FRMPD4: variants seen among roughly 807,000 people sequenced by gnomAD.
FRMPD4 encodes the protein FERM and PDZ domain-containing protein 4.
FRMPD4 carries 22 observed loss-of-function variants against 94.1 expected under a neutral mutation model. The observed-to-expected ratio is 0.23, with a 90% CI of 0.17 to 0.33. The LOEUF (loss-of-function observed/expected upper bound fraction) is 0.33. FRMPD4 is among the 10% of genes least tolerant of loss of function. The pLI is 1.00. For missense variants in FRMPD4, 1,111 were observed against 1,339.9 expected, an observed-to-expected ratio of 0.83 and a Z score of 2.67; for synonymous variants, 631 against 548.6, an observed-to-expected ratio of 1.15 and a Z score of -2.10.
intron 1 of FRMPD4, among the ~76,000 whole-genome samples, chrX:12,392,207 A>G (rs2056485482): frequency 9.4e-6 from 1 of 106,769 alleles, no homozygotes; most frequent in African/African-American, 3.4e-5. Context: ...TGCCTGGCTA[A>G]TTTTTGTATT....
intron 3 of FRMPD4, among the ~76,000 whole-genome samples, chrX:11,902,149 T>C (rs1447536644): frequency 2.7e-5 from 3 of 113,006 alleles, no homozygotes; most frequent in African/African-American, 6.4e-5. Flanking sequence ...CTGACTTTAA[T>C]GCTTCTTTTT....
intron 1 of FRMPD4, among the ~76,000 whole-genome samples, chrX:12,304,471 A>G (rs1183351203): frequency 2.7e-5 from 3 of 111,351 alleles, no homozygotes; most frequent in Non-Finnish European, 3.8e-5. Context: ...GTCTACAGAC[A>G]TTGCCTAATG....
chrX:12,326,860 G>T (rs1200461598), intron 1 of FRMPD4, among the ~76,000 whole-genome samples: 1 of 110,665 alleles, frequency 9.0e-6, no homozygotes, highest in African/African-American at 3.3e-5. Context: ...TACTCAGGAG[G>T]CTGAGGCAGG....
At chrX:12,259,219 G>C (rs893208935) in intron 1 of FRMPD4, among the ~76,000 whole-genome samples, 8 of 111,602 alleles carry the variant, frequency 7.2e-5, no homozygotes, top group African/African-American at 2.6e-4. Flanking sequence ...CCCAAGCGGG[G>C]GGTGCGTCCA....
At chrX:12,665,888 A>G (rs778037991) in intron 4 of FRMPD4, among the ~76,000 whole-genome samples, 1 of 112,033 alleles carries the variant, frequency 8.9e-6, no homozygotes, top group African/African-American at 3.2e-5. Context: ...ATAACCAGCT[A>G]GCATCATAAT....
At chrX:12,690,964 A>G (rs1446917410) in intron 8 of FRMPD4, among the ~76,000 whole-genome samples, 1 of 112,045 alleles carries the variant, frequency 8.9e-6, no homozygotes, top group Non-Finnish European at 1.9e-5. Flanking sequence ...TTTCTCTTCC[A>G]TAGGAGAGAT....
intron 3 of FRMPD4, among the ~76,000 whole-genome samples, chrX:11,989,686 G>C (rs185138152): frequency 8.9e-6 from 1 of 111,801 alleles, no homozygotes; most frequent in African/African-American, 3.2e-5. Flanking sequence ...TGAGGGGATG[G>C]TTACTTCATT....
intron 1 of FRMPD4, among the ~76,000 whole-genome samples, chrX:12,237,900 G>T (rs954437374): frequency 1.8e-5 from 2 of 111,883 alleles, no homozygotes; most frequent in African/African-American, 6.5e-5. Context: ...ACTCTTTTAG[G>T]TTGCCATTCA....
intron 1 of FRMPD4, among the ~76,000 whole-genome samples, chrX:12,202,565 A>G (rs1462930737): frequency 8.9e-6 from 1 of 112,432 alleles, no homozygotes; most frequent in East Asian, 2.8e-4. Context: ...AAGACTGGCC[A>G]TGGGAGAAAG....
chrX:12,233,706 G>A (rs1023966441), intron 1 of FRMPD4, among the ~76,000 whole-genome samples: 1 of 111,541 alleles, frequency 9.0e-6, no homozygotes, highest in Non-Finnish European at 1.9e-5. Flanking sequence ...TGAAGCTTCG[G>A]TGGAAGACAG....
At chrX:12,462,534 A>G (rs766412844) in intron 1 of FRMPD4, among the ~76,000 whole-genome samples, 1 of 112,070 alleles carries the variant, frequency 8.9e-6, no homozygotes, top group South Asian at 3.8e-4. Flanking sequence ...AGATCCTTTA[A>G]TGCCCTTAGA....
At position 12,573,998 on chromosome X, in the gene FRMPD4, TATTTA is replaced by T. The variant is rs1243154043; in HGVS notation, c.159-35722_159-35718del. On this transcript the variant is annotated intron_variant, in intron 2 of 16. Transcript: ENST00000675598. ...TGCTTATGTTAAAATATAATGAGTTTATTTATTTTTATTTATTTTTTTGAGACAGT... is the reference window on the plus strand; with the variant it reads ...TGCTTATGTTAAAATATAATGAGTTTTTTTTATTTATTTTTTTGAGACAGT... 6.2e-5 allele frequency among the ~76,000 whole-genome samples: 7 copies of T among 112,093 alleles called. No individual in the cohort carries two copies. The South Asian group carries it at 2.6e-3, about 42-fold the overall frequency.
At chrX:12,514,172 GT>G (rs2058072530) in intron 2 of FRMPD4, among the ~76,000 whole-genome samples, 1 of 111,579 alleles carries the variant, frequency 9.0e-6, no homozygotes, top group African/African-American at 3.3e-5. Flanking sequence ...AACAGAGACA[GT>G]TTGACTTCCT....
At chrX:12,716,001 TCCC>T in intron 14 of FRMPD4, 65 bp from the exon 15 acceptor site, 2 of 231,655 alleles carry the variant, frequency 8.6e-6, no homozygotes, top group Non-Finnish European at 1.6e-5. Context: ...GAGACGAGCC[TCCC>T]ACCCCCGCCC....
chrX:11,897,088 A>G (rs1439390977), intron 3 of FRMPD4, among the ~76,000 whole-genome samples: 1 of 107,498 alleles, frequency 9.3e-6, no homozygotes, highest in Non-Finnish European at 1.9e-5. Flanking sequence ...TTCCTGAAAA[A>G]CCTTGATAAT....
intron 3 of FRMPD4, among the ~76,000 whole-genome samples, chrX:11,909,512 C>A (rs1279933810): frequency 9.1e-6 from 1 of 109,504 alleles, no homozygotes; most frequent in Non-Finnish European, 1.9e-5. Flanking sequence ...TGAATTTATT[C>A]ATCGTTTTTC....
At chrX:12,699,945 C>T (rs2060172181) in intron 9 of FRMPD4, among the ~76,000 whole-genome samples, 1 of 112,321 alleles carries the variant, frequency 8.9e-6, no homozygotes. Flanking sequence ...CTCTGAGCAG[C>T]GTTCCTTCCT....
intron 3 of FRMPD4, among the ~76,000 whole-genome samples, chrX:11,908,896 C>T (rs1485892607): frequency 1.8e-5 from 2 of 111,834 alleles, no homozygotes; most frequent in Non-Finnish European, 3.8e-5. Context: ...TCTTGCATTT[C>T]TAGAATAAAC....
intron 3 of FRMPD4, among the ~76,000 whole-genome samples, chrX:12,059,409 G>A (rs773360297): frequency 2.7e-5 from 3 of 111,177 alleles, no homozygotes; most frequent in Non-Finnish European, 5.7e-5. Flanking sequence ...TTTTTTATCC[G>A]TACTCATAAT....
Sources: allele counts gnomAD v4.1 joint callset (sites outside exome capture counted in the v4.1 genomes callset), GRCh38; gene constraint gnomAD v4.1.1; transcripts MANE v1.5; gene names NCBI Gene and HGNC (gene_info 2026-07-23, HGNC 2026-07-21).